The following PBX1 variants were observed in gnomAD, a reference collection of about 807,000 sequenced individuals.
PBX1 encodes pre-B-cell leukemia transcription factor 1.
A neutral mutation model predicts 53.4 loss-of-function variants in PBX1; 6 were observed. The ratio of observed to expected loss-of-function variants is 0.11; its 90% CI spans 0.06 to 0.22. The LOEUF (loss-of-function observed/expected upper bound fraction) is 0.22, where lower values mean the gene tolerates loss of function less well. Ranked by LOEUF, PBX1 falls within the 10% of genes least tolerant of loss-of-function variation. The pLI is 1.00. For missense variants in PBX1, 251 were observed against 551.4 expected (o/e 0.46, Z 5.46); for synonymous variants, 204 against 212.3 (o/e 0.96, Z 0.34).
intron 2 of PBX1, among the ~76,000 whole-genome samples, chr1:164,701,206 T>C (rs1686181): frequency 0.96 from 145,439 of 152,268 alleles, 69,844 homozygotes; most frequent in East Asian, 1. Context: ...AGGGGAAAGT[T>C]AGAATGAGGC....
rs367787546 is a variant in PBX1, at chr1:164,843,007, C to G, written c.1201-3577C>G. On this transcript the variant is annotated intron_variant, in intron 8 of 8. Coordinates refer to ENST00000420696, the MANE Select transcript of PBX1 (RefSeq NM_002585.4). ...GGCGGAGTTTCCTACTTAATATTCACCCACAGTCGAGGTAGAGGGAAGGAA... is the reference window on the plus strand; with the variant it reads ...GGCGGAGTTTCCTACTTAATATTCAGCCACAGTCGAGGTAGAGGGAAGGAA... 1.9e-3 allele frequency among the ~76,000 whole-genome samples: 273 copies of G among 146,230 alleles called. 8 individuals carry two copies. In the South Asian group the frequency reaches 0.05, roughly 27 times the overall value.
chr1:164,774,847 A>G (rs1667565847), intron 2 of PBX1, among the ~76,000 whole-genome samples: 2 of 152,106 alleles, frequency 1.3e-5, no homozygotes, highest in South Asian at 2.1e-4. Flanking sequence ...CCAACAACCC[A>G]TGGCCCAGCA....
intron 2 of PBX1, among the ~76,000 whole-genome samples, chr1:164,583,262 T>A (rs1489709184): frequency 1.3e-5 from 2 of 150,992 alleles, no homozygotes; most frequent in African/African-American, 4.9e-5. Flanking sequence ...GGGGTTTGGA[T>A]CTTTAAGCCA....
At chr1:164,677,116 C>T (rs953295775) in intron 2 of PBX1, among the ~76,000 whole-genome samples, 14 of 148,116 alleles carry the variant, frequency 9.5e-5, no homozygotes, top group Middle Eastern at 3.7e-3. Context: ...GACGGAGTCT[C>T]GCTCTGTCGC....
intron 2 of PBX1, among the ~76,000 whole-genome samples, chr1:164,597,328 T>C (rs2101789347): frequency 6.6e-6 from 1 of 152,316 alleles, no homozygotes; most frequent in Non-Finnish European, 1.5e-5. Flanking sequence ...GAGTTGGTTG[T>C]TGTCCCCTAG....
intron 4 of PBX1, among the ~76,000 whole-genome samples, chr1:164,806,024 A>G (rs776924234): frequency 6.6e-6 from 1 of 152,202 alleles, no homozygotes; most frequent in Non-Finnish European, 1.5e-5. Context: ...TGTTGGCTAA[A>G]TTGGGAAATC....
chr1:164,622,922 C>A (rs1469552947), intron 2 of PBX1, among the ~76,000 whole-genome samples: 1 of 148,514 alleles, frequency 6.7e-6, no homozygotes, highest in Non-Finnish European at 1.5e-5. Flanking sequence ...TCAAGCAATT[C>A]TCCTGCCTCA....
chr1:164,884,015 G>A (rs537774361), intron 2 of PBX1, among the ~76,000 whole-genome samples: 3 of 152,232 alleles, frequency 2.0e-5, no homozygotes, highest in Non-Finnish European at 4.4e-5. Flanking sequence ...GAAAACCATT[G>A]GTCAAATTAC....
chr1:164,798,292 C>T (rs1668888786), intron 3 of PBX1, among the ~76,000 whole-genome samples: 1 of 152,188 alleles, frequency 6.6e-6, no homozygotes, highest in Non-Finnish European at 1.5e-5. Context: ...TTATCAATAA[C>T]GAGCGTGTTT....
intron 2 of PBX1, among the ~76,000 whole-genome samples, chr1:164,618,495 TAAATG>T (rs1243439400): frequency 6.6e-6 from 1 of 152,164 alleles, no homozygotes; most frequent in Admixed American, 6.5e-5. Context: ...ATTTGGAAAA[TAAATG>T]AAAGAGTGGA....
At chr1:164,746,496 C>G (rs1422740979) in intron 2 of PBX1, among the ~76,000 whole-genome samples, 1 of 152,208 alleles carries the variant, frequency 6.6e-6, no homozygotes, top group Non-Finnish European at 1.5e-5. Flanking sequence ...CCTGCCTCAG[C>G]CTCTCGAGTA....
intron 2 of PBX1, among the ~76,000 whole-genome samples, chr1:164,676,290 C>T (rs1175822439): frequency 1.3e-5 from 2 of 151,958 alleles, no homozygotes; most frequent in Admixed American, 1.3e-4. Flanking sequence ...AAGCAGACAC[C>T]TTAAGATACT....
At chr1:164,682,263 G>C (rs1284153352) in intron 2 of PBX1, 1 of 152,190 alleles carries the variant, frequency 6.6e-6, no homozygotes, top group Non-Finnish European at 1.5e-5. Context: ...ATTGGAGAGA[G>C]AGCAGACACT....
intron 2 of PBX1, among the ~76,000 whole-genome samples, chr1:164,765,742 G>A (rs191215737): frequency 5.8e-4 from 88 of 152,126 alleles, no homozygotes; most frequent in Non-Finnish European, 9.7e-4. Context: ...AGAGGAGTTG[G>A]AATTTAACTT....
At chr1:164,634,080 C>G (rs939811913) in intron 2 of PBX1, among the ~76,000 whole-genome samples, 2 of 152,224 alleles carry the variant, frequency 1.3e-5, no homozygotes, top group Non-Finnish European at 2.9e-5. Context: ...AGCTCCCCAC[C>G]ACCTGTAATG....
At chr1:164,755,824 TA>T (rs1343505705) in intron 2 of PBX1, among the ~76,000 whole-genome samples, 2 of 151,762 alleles carry the variant, frequency 1.3e-5, no homozygotes, top group Admixed American at 6.6e-5. Flanking sequence ...TGGAAAATAT[TA>T]TTACCCCCAG....
intron 8 of PBX1, chr1:164,829,410 G>A (rs796282325): frequency 1.1e-4 from 17 of 152,262 alleles, no homozygotes; most frequent in African/African-American, 4.1e-4. Flanking sequence ...ATAACTTTTT[G>A]CATTGATGGA....
intron 2 of PBX1, among the ~76,000 whole-genome samples, chr1:164,600,065 A>G (rs1201430474): frequency 6.6e-6 from 1 of 152,100 alleles, no homozygotes; most frequent in Non-Finnish European, 1.5e-5. Flanking sequence ...TACTTTAAAT[A>G]TGGTGTTCCC....
chr1:164,569,385 A>G (rs1477277912), intron 2 of PBX1, among the ~76,000 whole-genome samples: 2 of 152,158 alleles, frequency 1.3e-5, no homozygotes, highest in African/African-American at 4.8e-5. Context: ...AGTGCCTGGC[A>G]TAGAGTAAAC....
Sources: allele counts gnomAD v4.1 joint callset (sites outside exome capture counted in the v4.1 genomes callset), GRCh38; gene constraint gnomAD v4.1.1; transcripts MANE v1.5; gene names NCBI Gene and HGNC (gene_info 2026-07-23, HGNC 2026-07-21).